The following ITGAV variants were observed in gnomAD, a reference collection of about 807,000 sequenced individuals.
The protein encoded by ITGAV is integrin alpha-V.
In ITGAV, 76 loss-of-function variants were observed where a neutral mutation model predicts 143.8. The observed-to-expected ratio is 0.53, with a 90% confidence interval of 0.44 to 0.64. The LOEUF is 0.64. Among genes scored for constraint, ITGAV ranks in the 30% least tolerant of loss-of-function variants. The pLI is 0.00. For synonymous variants in ITGAV, 453 were observed against 446.7 expected, an observed-to-expected ratio of 1.01 and a Z score of -0.18; for missense variants, 1,193 against 1,274.7, an observed-to-expected ratio of 0.94 and a Z score of 0.98.
intron 16 of ITGAV, among the ~76,000 whole-genome samples, chr2:186,655,283 G>C (rs1011442050): frequency 6.6e-6 from 1 of 152,218 alleles, no homozygotes; most frequent in Admixed American, 6.5e-5. Context: ...AGGAATAATA[G>C]TAAAGCAGAG....
chr2:186,646,597 C>T, intron 12 of ITGAV, 89 bp from the exon 13 acceptor site: 2 of 893,088 alleles, frequency 2.2e-6, no homozygotes, highest in Non-Finnish European at 3.4e-6. Flanking sequence ...CTCTTCCCCC[C>T]TTCTCTCGTT....
chr2:186,622,640 T>G (rs1383748904), intron 3 of ITGAV, among the ~76,000 whole-genome samples: 2 of 152,216 alleles, frequency 1.3e-5, no homozygotes, highest in Admixed American at 1.3e-4. Flanking sequence ...TTTTCACCCT[T>G]ATTCCTACTT....
Position 186,636,154 on chromosome 2 carries a change from A to G in ITGAV, c.704A>G (p.Asn235Ser). 5 of 1,613,350 alleles carry G rather than the reference A, an allele frequency of 3.1e-6. No homozygotes were observed. Among genetic ancestry groups the G allele is most frequent in the Non-Finnish European group, 4.2e-6 (5 of 1,179,666 alleles). ...YDPNVYSIKY[N>S]NQLATRTAQA... is the part of the protein sequence containing the mutation. ...CCCAATGTTTACAGCATCAAGTATA[A>G]TAACCAATTAGCAACTCGGACTGCA... Residue 235 changes from asparagine to serine, a missense_variant, in exon 7 of 30, where the codon AAT becomes AGT. Coordinates refer to ENST00000261023, the MANE Select transcript of ITGAV (RefSeq NM_002210.5).
In ITGAV at chr2:186,649,848, G is replaced by T. The variant is rs1462806178; in HGVS notation, c.1360G>T (p.Val454Leu). 2 of 1,592,784 alleles carry T rather than the reference G, an allele frequency of 1.3e-6. No homozygotes were observed. Among genetic ancestry groups the T allele is most frequent in the Admixed American group, 3.5e-5 (2 of 56,886 alleles). The change falls in exon 14 of 30, where the codon GTA becomes TTA. Residue 454 changes from valine to leucine, a missense_variant. Coordinates refer to ENST00000261023, the MANE Select transcript of ITGAV (RefSeq NM_002210.5). ...TTCCACTCTTTCTTAAGACTTAATT[G>T]TAGGAGCTTTTGGTGTAGATCGAGC... is the stretch of plus-strand genomic sequence containing the variant. ...IDKNGYPDLIVGAFGVDRAIL... is the reference protein window; with the variant it reads ...IDKNGYPDLILGAFGVDRAIL...
chr2:186,664,094 A>G (rs1375199776), intron 19 of ITGAV, among the ~76,000 whole-genome samples: 2 of 152,198 alleles, frequency 1.3e-5, no homozygotes, highest in African/African-American at 4.8e-5. Flanking sequence ...TTTTAAAGAT[A>G]CACTTCATCA....
chr2:186,605,933 T>G (rs1687055439), intron 2 of ITGAV, among the ~76,000 whole-genome samples: 1 of 150,898 alleles, frequency 6.6e-6, no homozygotes, highest in Non-Finnish European at 1.5e-5. Flanking sequence ...ATTTCTGTAA[T>G]CCTTTTGTAT....
At chr2:186,641,294 G>T in intron 11 of ITGAV, 92 bp from the exon 12 acceptor site, 1 of 974,994 alleles carries the variant, frequency 1.0e-6, no homozygotes, top group Non-Finnish European at 1.6e-6. Context: ...GAGAGATGCA[G>T]AAAGAGGAAA....
intron 17 of ITGAV, among the ~76,000 whole-genome samples, chr2:186,656,987 A>AACACAC (rs56249746): frequency 6.6e-4 from 92 of 139,426 alleles, no homozygotes; most frequent in African/African-American, 1.9e-3. Context: ...GAATTCATTA[A>AACACAC]ACACACACAC....
Position 186,646,779 on chromosome 2 carries a change from C to T in ITGAV, c.1253C>T (p.Ser418Phe), listed in dbSNP as rs761374790. Reference sequence around the variant, plus strand: ...TCAACAGGCTTGAACGCAGTCCCATCTCAAATCCTTGAAGGGCAGTGGGCT... The same window carrying T: ...TCAACAGGCTTGAACGCAGTCCCATTTCAAATCCTTGAAGGGCAGTGGGCT... ...GRSTGLNAVP[S>F]QILEGQWAAR... The change falls in exon 13 of 30, where the codon TCT becomes TTT. Residue 418 changes from serine to phenylalanine, a missense_variant. Ser to Phe is a radical substitution (Grantham distance 155). Transcript: ENST00000261023. 6.2e-7 allele frequency: 1 copy of T among 1,613,434 alleles called. No homozygotes were observed. Among genetic ancestry groups the T allele is most frequent in the South Asian group, 1.1e-5 (1 of 90,924 alleles).
chr2:186,659,807 A>G (rs1237289157), intron 18 of ITGAV, among the ~76,000 whole-genome samples: 1 of 140,134 alleles, frequency 7.1e-6, no homozygotes, highest in Non-Finnish European at 1.6e-5. Context: ...TGTTTTCTGT[A>G]TATGTGACAG....
intron 1 of ITGAV, among the ~76,000 whole-genome samples, chr2:186,599,969 C>G (rs61763623): frequency 6.6e-6 from 1 of 152,330 alleles, no homozygotes; most frequent in Non-Finnish European, 1.5e-5. Flanking sequence ...CTTTGCTTTC[C>G]TTGTTCCATT....
chr2:186,590,875 A>G (rs1257498546), intron 1 of ITGAV, among the ~76,000 whole-genome samples: 1 of 152,084 alleles, frequency 6.6e-6, no homozygotes, highest in Non-Finnish European at 1.5e-5. Context: ...TTTGGTCAAT[A>G]TCATCCCCGA....
At chr2:186,637,994 T>G (rs926250854) in intron 8 of ITGAV, among the ~76,000 whole-genome samples, 2 of 152,246 alleles carry the variant, frequency 1.3e-5, no homozygotes, top group African/African-American at 4.8e-5. Flanking sequence ...TTCTTCATTC[T>G]TAGGTTACTT....
rs539661579 is a variant in ITGAV at position 186,632,994 on chromosome 2, T to C, written c.586-335T>C. On this transcript the variant is annotated intron_variant, in intron 5 of 29. Transcript: ENST00000261023. The stretch of plus-strand genomic sequence containing the variant: ...CTTTAATATATACTAGATAGATAGA[T>C]AGATAGATACATAGACAGATAGATA... Among the ~76,000 whole-genome samples the C allele has an allele frequency of 6.3e-4, 95 of 151,644 alleles. 3 individuals are homozygous for C. In the East Asian group the frequency reaches 0.016, roughly 25 times the overall value.
intron 26 of ITGAV, among the ~76,000 whole-genome samples, chr2:186,673,334 G>C (rs1229093091): frequency 5.3e-5 from 8 of 152,152 alleles, no homozygotes; most frequent in Non-Finnish European, 1.2e-4. Context: ...CTGGAGTTCA[G>C]GTTTTGAAAT....
At chr2:186,600,173 C>A in intron 1 of ITGAV, 1 of 613,654 alleles carries the variant, frequency 1.6e-6, no homozygotes, top group South Asian at 2.4e-5. Flanking sequence ...TTGTGCCACT[C>A]CCGGCTTGTC....
At chr2:186,665,389 C>T (rs2595392) in intron 21 of ITGAV, among the ~76,000 whole-genome samples, 171 bp downstream of exon 21, 55 of 152,184 alleles carry the variant, frequency 3.6e-4, no homozygotes, top group African/African-American at 1.3e-3. Flanking sequence ...AACTAAGATA[C>T]GAAAACAATT....
intron 1 of ITGAV, among the ~76,000 whole-genome samples, chr2:186,599,721 G>C (rs879893587): frequency 5.9e-5 from 9 of 152,190 alleles, no homozygotes; most frequent in African/African-American, 2.2e-4. Context: ...GCCTAGGCTA[G>C]TCTTGAACTC....
rs759960675 is a variant in ITGAV, at chr2:186,663,841, T to A, written c.1925+6T>A. The A allele has an allele frequency of 6.3e-7, 1 of 1,596,088 alleles. No homozygotes were observed. The highest frequency in any genetic ancestry group is 2.2e-5 in the East Asian group (1 of 44,690). ...CTGGAAGTTTCTGTAGATAGGTAAGTTTTGCTTGAAATAATAATGTAGTAA... is the reference window on the plus strand; with the variant it reads ...CTGGAAGTTTCTGTAGATAGGTAAGATTTGCTTGAAATAATAATGTAGTAA... On this transcript the variant is annotated splice_donor_region_variant and intron_variant, in intron 19 of 29. Transcript: ENST00000261023.
Sources: gnomAD v4.1 joint callset for allele counts (sites outside exome capture counted in the v4.1 genomes callset) on GRCh38, gnomAD v4.1.1 for gene constraint, MANE v1.5 for transcripts, NCBI Gene and HGNC (gene_info 2026-07-23, HGNC 2026-07-21) for gene names.